Variants in PDLIM5 observed in about 807,000 individuals in gnomAD.
PDLIM5 encodes the protein PDZ and LIM domain 5.
Under a neutral mutation model 64.2 loss-of-function variants are expected in PDLIM5, and 34 were observed. The ratio of observed to expected loss-of-function variants is 0.53; its 90% confidence interval spans 0.40 to 0.71. The LOEUF is 0.71. Among genes scored for constraint, PDLIM5 ranks in the 30% least tolerant of loss-of-function variants. PDLIM5 has a pLI of 0.00. For synonymous variants in PDLIM5, 253 were observed against 269.1 expected (o/e 0.94, Z 0.59); for missense variants, 683 against 733.6 (o/e 0.93, Z 0.80).
chr4:94,600,213 G>C (rs1737385790), intron 7 of PDLIM5, among the ~76,000 whole-genome samples: 1 of 152,194 alleles, frequency 6.6e-6, no homozygotes. Flanking sequence ...GGCACAAAGT[G>C]GGAATTCAAG....
chr4:94,574,279 C>T (rs1735059390), intron 4 of PDLIM5, among the ~76,000 whole-genome samples: 1 of 152,096 alleles, frequency 6.6e-6, no homozygotes, highest in Admixed American at 6.5e-5. Context: ...AGGCGGATCA[C>T]CTGAGGTCAG....
At chr4:94,574,962 A>G (rs1735126506) in intron 4 of PDLIM5, among the ~76,000 whole-genome samples, 1 of 151,898 alleles carries the variant, frequency 6.6e-6, no homozygotes, top group South Asian at 2.1e-4. Context: ...ATTACAAGAA[A>G]GAAAGGATTT....
chr4:94,627,091 A>G (rs1203073948), intron 8 of PDLIM5, among the ~76,000 whole-genome samples: 1 of 152,090 alleles, frequency 6.6e-6, no homozygotes. Context: ...AGTTGCGTAT[A>G]TTTCATCTCT....
intron 3 of PDLIM5, among the ~76,000 whole-genome samples, chr4:94,567,451 ATTACT>A (rs2110260588): frequency 6.6e-6 from 1 of 152,230 alleles, no homozygotes; most frequent in African/African-American, 2.4e-5. Context: ...AGTAGAAGTA[ATTACT>A]TACCATTGGA....
intron 9 of PDLIM5, among the ~76,000 whole-genome samples, chr4:94,649,459 C>G (rs1400607886): frequency 6.6e-6 from 1 of 152,200 alleles, no homozygotes; most frequent in East Asian, 1.9e-4. Flanking sequence ...CCTACCTATA[C>G]CATCTTCCTC....
intron 3 of PDLIM5, among the ~76,000 whole-genome samples, chr4:94,533,785 G>A (rs1731093267): frequency 6.6e-6 from 1 of 152,158 alleles, no homozygotes. Context: ...TACTTCTAGA[G>A]GACCATATTT....
In PDLIM5 at chr4:94,520,427, C is replaced by G. The variant is rs188650382; in HGVS notation, c.97-3297C>G. Among the ~76,000 whole-genome samples the G allele has an allele frequency of 2.1e-3, 319 of 152,216 alleles. 2 individuals carry two copies. The highest frequency in any genetic ancestry group is 6.9e-3 in the African/African-American group (288 of 41,540). On this transcript the variant is annotated intron_variant, in intron 2 of 12. Transcript: ENST00000317968. ...AGTAAACTACTGCTTTAAACAAATGCAAGCTATTCAGACCTGAAAAACAGT... is the reference window on the plus strand; with the variant it reads ...AGTAAACTACTGCTTTAAACAAATGGAAGCTATTCAGACCTGAAAAACAGT...
chr4:94,633,057 A>G (rs1343518517), intron 8 of PDLIM5, among the ~76,000 whole-genome samples: 1 of 152,244 alleles, frequency 6.6e-6, no homozygotes, highest in African/African-American at 2.4e-5. Flanking sequence ...GATATTAAGG[A>G]ATATTTTTAA....
chr4:94,615,411 A>G (rs552511221), intron 7 of PDLIM5, among the ~76,000 whole-genome samples: 2 of 152,058 alleles, frequency 1.3e-5, no homozygotes, highest in East Asian at 1.9e-4. Flanking sequence ...ATTTGAACAC[A>G]GTGCATGATG....
At chr4:94,647,095 A>G (rs912063614) in intron 9 of PDLIM5, among the ~76,000 whole-genome samples, 6 of 152,198 alleles carry the variant, frequency 3.9e-5, no homozygotes, top group Admixed American at 2.0e-4. Context: ...AGGGAACAAA[A>G]AAGGCATACA....
intron 3 of PDLIM5, among the ~76,000 whole-genome samples, chr4:94,525,732 C>T (rs1730296051): frequency 6.6e-6 from 1 of 152,160 alleles, no homozygotes. Context: ...GCAGTTTCCT[C>T]TTTAGGGTCT....
chr4:94,538,842 C>G (rs1398089079), intron 3 of PDLIM5, among the ~76,000 whole-genome samples: 1 of 152,102 alleles, frequency 6.6e-6, no homozygotes, highest in Non-Finnish European at 1.5e-5. Flanking sequence ...ATATGTAGAG[C>G]TTGAATAAAC....
intron 3 of PDLIM5, among the ~76,000 whole-genome samples, chr4:94,533,335 A>G (rs532596873): frequency 2.0e-5 from 3 of 152,202 alleles, no homozygotes; most frequent in Non-Finnish European, 2.9e-5. Context: ...ATTTCTCTGA[A>G]GGAAAACTTA....
intron 5 of PDLIM5, among the ~76,000 whole-genome samples, chr4:94,581,915 C>T (rs1159705802): frequency 1.3e-5 from 2 of 152,164 alleles, no homozygotes; most frequent in African/African-American, 4.8e-5. Flanking sequence ...TCAGACACGC[C>T]TTCTGGGCAA....
At chr4:94,475,336 G>A (rs112891867) in intron 2 of PDLIM5, among the ~76,000 whole-genome samples, 1,808 of 152,278 alleles carry the variant, frequency 0.012, 41 homozygotes, top group African/African-American at 0.041. Context: ...TTAATTTTCA[G>A]TAATTCTGTT....
chr4:94,665,135 G>A lies in PDLIM5; in HGVS notation c.*1068G>A, dbSNP rs1341590477. 3.1e-6 allele frequency: 3 copies of A among 953,352 alleles called. No individual in the cohort carries two copies. Among genetic ancestry groups the A allele is most frequent in the Non-Finnish European group, 1.2e-6 (1 of 800,726 alleles). The allele number at this position is 953,352 out of a possible 1,614,324, so 59.1% of individuals were successfully genotyped here. A position where few individuals can be genotyped will look rare whatever the true frequency, so the allele number is the denominator to read the frequency against. On this transcript the variant is annotated 3_prime_UTR_variant, in exon 13 of 13. Transcript: ENST00000317968. ...TTCCATTTTTTTCCCTTGTGCTAAG[G>A]TAAAGATTTAATTAAATAATTTTGG...
chr4:94,629,731 A>G (rs990888277), intron 8 of PDLIM5, among the ~76,000 whole-genome samples: 3 of 152,254 alleles, frequency 2.0e-5, no homozygotes, highest in Non-Finnish European at 4.4e-5. Flanking sequence ...CACCTGTTCC[A>G]GTGCTTTATA....
intron 3 of PDLIM5, among the ~76,000 whole-genome samples, chr4:94,542,975 C>G (rs1731958036): frequency 6.6e-6 from 1 of 152,118 alleles, no homozygotes; most frequent in Admixed American, 6.5e-5. Flanking sequence ...GTTTACCACC[C>G]TGGGAAAATG....
intron 7 of PDLIM5, among the ~76,000 whole-genome samples, chr4:94,616,224 G>A (rs1738774482): frequency 6.6e-6 from 1 of 152,046 alleles, no homozygotes; most frequent in Non-Finnish European, 1.5e-5. Flanking sequence ...TTTAATCCCA[G>A]AATGAAAATG....
Sources: gnomAD v4.1 joint callset for allele counts (sites outside exome capture counted in the v4.1 genomes callset) on GRCh38, gnomAD v4.1.1 for gene constraint, MANE v1.5 for transcripts, NCBI Gene and HGNC (gene_info 2026-07-23, HGNC 2026-07-21) for gene names.